Variants in PLEKHM3 observed in about 807,000 individuals in gnomAD.
The protein encoded by PLEKHM3 is pleckstrin homology domain-containing family M member 3.
Under a neutral mutation model 81.8 loss-of-function variants are expected in PLEKHM3, and 45 were observed. The ratio of observed to expected loss-of-function variants is 0.55; its 90% CI spans 0.43 to 0.71. The LOEUF (loss-of-function observed/expected upper bound fraction) is 0.71, where lower values mean the gene tolerates loss of function less well. Ranked by LOEUF, PLEKHM3 falls within the 30% of genes least tolerant of loss-of-function variation. PLEKHM3 has a pLI of 0.00. For missense variants in PLEKHM3, 788 were observed against 924.3 expected, an observed-to-expected ratio of 0.85 and a Z score of 1.91; for synonymous variants, 352 against 356.4, an observed-to-expected ratio of 0.99 and a Z score of 0.14.
intron 6 of PLEKHM3, among the ~76,000 whole-genome samples, chr2:207,886,363 A>G (rs542819923): frequency 2.0e-5 from 3 of 152,184 alleles, no homozygotes; most frequent in Non-Finnish European, 4.4e-5. Flanking sequence ...AAGTCATTGC[A>G]TATAAGTGAA....
chr2:207,974,983 A>C (rs1691257310), intron 3 of PLEKHM3, among the ~76,000 whole-genome samples: 1 of 150,248 alleles, frequency 6.7e-6, no homozygotes, highest in Non-Finnish European at 1.5e-5. Flanking sequence ...GGCGCCCACC[A>C]CCACACCCGG....
chr2:208,015,055 C>T (rs1692850202), intron 1 of PLEKHM3, among the ~76,000 whole-genome samples: 3 of 152,180 alleles, frequency 2.0e-5, no homozygotes, highest in Admixed American at 2.0e-4. Flanking sequence ...AAAGTTATAG[C>T]TAATATTTAT....
intron 7 of PLEKHM3, among the ~76,000 whole-genome samples, chr2:207,842,170 G>A (rs1336663967): frequency 1.3e-5 from 2 of 152,176 alleles, no homozygotes; most frequent in Admixed American, 6.5e-5. Context: ...ATCTGACCTC[G>A]TGATCCGCCT....
At chr2:207,918,729 A>T (rs945823201) in intron 5 of PLEKHM3, among the ~76,000 whole-genome samples, 8 of 152,222 alleles carry the variant, frequency 5.3e-5, no homozygotes, top group Admixed American at 1.3e-4. Context: ...AATTGGGCAG[A>T]ATCTTCATTC....
At chr2:207,946,649 A>G (rs1309440898) in intron 3 of PLEKHM3, 137 bp from the exon 4 acceptor site, 5 of 1,193,806 alleles carry the variant, frequency 4.2e-6, no homozygotes, top group Non-Finnish European at 5.8e-6. Flanking sequence ...AGTTACAGAT[A>G]ATAGAGTTGT....
At chr2:207,952,844 G>A (rs1464070621) in intron 3 of PLEKHM3, among the ~76,000 whole-genome samples, 2 of 152,206 alleles carry the variant, frequency 1.3e-5, no homozygotes, top group Admixed American at 1.3e-4. Flanking sequence ...TAACTGTAAA[G>A]TAGAAAGGGG....
At chr2:207,836,590 C>T (rs1039472599) in intron 7 of PLEKHM3, among the ~76,000 whole-genome samples, 1 of 152,162 alleles carries the variant, frequency 6.6e-6, no homozygotes, top group African/African-American at 2.4e-5. Flanking sequence ...GGCAAGAATT[C>T]CTGGCTGCAG....
At chr2:207,901,059 ATTG>A in intron 6 of PLEKHM3, 1 of 579,736 alleles carries the variant, frequency 1.7e-6, no homozygotes, top group South Asian at 2.1e-5. Context: ...CTCAACCGGT[ATTG>A]TTGTCTCTAC....
intron 3 of PLEKHM3, among the ~76,000 whole-genome samples, chr2:207,964,770 T>C (rs1690858087): frequency 1.3e-5 from 2 of 152,198 alleles, no homozygotes; most frequent in South Asian, 4.1e-4. Flanking sequence ...TTTTTATTAC[T>C]GTAATTTAAT....
intron 6 of PLEKHM3, among the ~76,000 whole-genome samples, chr2:207,883,338 C>A (rs1029379841): frequency 2.6e-5 from 4 of 152,186 alleles, no homozygotes; most frequent in Admixed American, 2.6e-4. Context: ...TGAGGTTCTT[C>A]TTCTCAAGCC....
chr2:207,860,150 T>C (rs1370847151), intron 7 of PLEKHM3, among the ~76,000 whole-genome samples: 1 of 139,096 alleles, frequency 7.2e-6, no homozygotes, highest in African/African-American at 2.7e-5. Context: ...GAACTCTGCC[T>C]CTGTGTGTGT....
chr2:207,976,700 C>T lies in PLEKHM3; in HGVS notation c.1497G>A (p.Thr499=), dbSNP rs369516191. The T allele has an allele frequency of 6.2e-6, 10 of 1,614,020 alleles. No homozygotes were observed. The highest frequency in any genetic ancestry group is 2.2e-5 in the East Asian group (1 of 44,892). Residue 499 remains threonine (T), a synonymous_variant, in exon 3 of 8, where the codon ACG becomes ACA. Coordinates refer to ENST00000427836, the MANE Select transcript of PLEKHM3 (RefSeq NM_001080475.3). This position sits in a 1 kb window ranked among gnomAD's most constrained non-coding sequence, Gnocchi z 4.1. ...TGAGTCCTCGTTCCAAAGACAAAGTCGTCAAAATGCTCAGGAAGCTGGTAG... is the reference window on the plus strand; with the variant it reads ...TGAGTCCTCGTTCCAAAGACAAAGTTGTCAAAATGCTCAGGAAGCTGGTAG... The part of the protein sequence containing the change: ...SVTTSFLSIL[T]TLSLERGLTA...
Position 207,922,379 on chromosome 2 carries a change from A to G in PLEKHM3, c.1886+8547T>C, listed in dbSNP as rs181702833. On this transcript the variant is annotated intron_variant, in intron 5 of 7. Transcript: ENST00000427836. ...TTATATACAGTAAACTATTCTACAC[A>G]TAATTACTATTATTAACAAGCTTTT... 2.6e-5 allele frequency among the ~76,000 whole-genome samples: 4 copies of G among 152,332 alleles called. No homozygotes were observed. In the East Asian group the frequency reaches 7.7e-4, roughly 29 times the overall value.
rs780788527 is a variant in PLEKHM3 at position 207,852,741 on chromosome 2, C to G, written c.2108+8364G>C. 3.3e-4 allele frequency: 138 copies of G among 415,428 alleles called. 2 individuals are homozygous for G. Among genetic ancestry groups the G allele is most frequent in the South Asian group, 2.3e-3 (132 of 56,946 alleles). 25.7% of individuals were successfully genotyped at this position (415,428 alleles called of 1,614,324 possible). ...AGGCTGAAAAACTTCCTTTGGGTACCCTGTTCACTATATAGGTGATGGGAT... is the reference window on the plus strand; with the variant it reads ...AGGCTGAAAAACTTCCTTTGGGTACGCTGTTCACTATATAGGTGATGGGAT... On this transcript the variant is annotated intron_variant, in intron 7 of 7. Transcript: ENST00000427836.
At chr2:207,839,939 T>A (rs1253400302) in intron 7 of PLEKHM3, among the ~76,000 whole-genome samples, 1 of 151,984 alleles carries the variant, frequency 6.6e-6, no homozygotes, top group African/African-American at 2.4e-5. Flanking sequence ...AATAAATAAA[T>A]AAATAAAATA....
chr2:207,870,253 AAG>A (rs1414730765), intron 6 of PLEKHM3, among the ~76,000 whole-genome samples: 1 of 152,248 alleles, frequency 6.6e-6, no homozygotes, highest in Non-Finnish European at 1.5e-5. Flanking sequence ...GGCAAGAAAA[AAG>A]AGAGGAAAAA....
chr2:207,925,042 G>C (rs981329689), intron 5 of PLEKHM3, among the ~76,000 whole-genome samples: 2 of 152,140 alleles, frequency 1.3e-5, no homozygotes, highest in African/African-American at 4.8e-5. Context: ...AGCCTGCAAG[G>C]GGCCACGTCA....
intron 1 of PLEKHM3, among the ~76,000 whole-genome samples, chr2:208,016,969 T>C (rs1284591055): frequency 9.2e-5 from 14 of 152,212 alleles, no homozygotes; most frequent in Non-Finnish European, 2.9e-5. Flanking sequence ...AATATTTGCA[T>C]ATAACCTACG....
At chr2:207,972,479 A>G (rs1691159131) in intron 3 of PLEKHM3, among the ~76,000 whole-genome samples, 1 of 151,914 alleles carries the variant, frequency 6.6e-6, no homozygotes, top group Non-Finnish European at 1.5e-5. Context: ...CCCAGCTACA[A>G]GGAAGGATGA....
Sources: allele counts gnomAD v4.1 joint callset (sites outside exome capture counted in the v4.1 genomes callset), GRCh38; gene constraint gnomAD v4.1.1; non-coding constraint Gnocchi (gnomAD v3.1); transcripts MANE v1.5; gene names NCBI Gene and HGNC (gene_info 2026-07-23, HGNC 2026-07-21).